The following RAMAC variants were observed in gnomAD, a reference collection of about 807,000 sequenced individuals.
RAMAC encodes RNA guanine-7 methyltransferase activating subunit.
Under a neutral mutation model 17.9 loss-of-function variants are expected in RAMAC, and 11 were observed. That is an observed-to-expected ratio of 0.61 (90% CI 0.39 to 1.02). The LOEUF (loss-of-function observed/expected upper bound fraction) is 1.02, where lower values mean the gene tolerates loss of function less well. RAMAC is among the 50% of genes least tolerant of loss of function. RAMAC has a pLI of 0.01. For missense variants in RAMAC, 109 were observed against 144.0 expected, an observed-to-expected ratio of 0.76 and a Z score of 1.25; for synonymous variants, 27 against 48.4, an observed-to-expected ratio of 0.56 and a Z score of 1.84.
At chr15:82,986,841 C>T (rs1291441291) in intron 1 of RAMAC, among the ~76,000 whole-genome samples, 1 of 152,136 alleles carries the variant, frequency 6.6e-6, no homozygotes, top group African/African-American at 2.4e-5. Flanking sequence ...TTTTGAAGGC[C>T]CAGAGGACAA....
intron 1 of RAMAC, among the ~76,000 whole-genome samples, chr15:82,986,919 G>A (rs1596394102): frequency 6.6e-6 from 1 of 152,164 alleles, no homozygotes; most frequent in Non-Finnish European, 1.5e-5. Context: ...AGTCTTTAGA[G>A]CGTTTTTTTG....
Position 82,990,788 on chromosome 15 carries a change from G to T in RAMAC, c.*721G>T, listed in dbSNP as rs371975154. ...ATAGCAGGTCAAAATTCACACATAA[G>T]AAAGTTTAACTCTGTACTGTTCACA... is the stretch of plus-strand genomic sequence containing the variant. On this transcript the variant is annotated 3_prime_UTR_variant, in exon 4 of 4. Transcript: ENST00000304191. The T allele has an allele frequency of 9.2e-5, 66 of 720,696 alleles. 1 individual carries two copies. The highest frequency in any genetic ancestry group is 3.3e-4 in the East Asian group (12 of 36,840). The allele number at this position is 720,696 out of a possible 1,614,324, so 44.6% of individuals were successfully genotyped here.
At chr15:82,986,775 C>T (rs1162043522) in intron 1 of RAMAC, among the ~76,000 whole-genome samples, 1 of 152,150 alleles carries the variant, frequency 6.6e-6, no homozygotes, top group Non-Finnish European at 1.5e-5. Flanking sequence ...GAAAGGCTTA[C>T]CCTAAAAGAA....
chr15:82,986,941 GT>G (rs368202031), intron 1 of RAMAC, among the ~76,000 whole-genome samples: 7 of 148,248 alleles, frequency 4.7e-5, no homozygotes, highest in South Asian at 2.1e-4. Flanking sequence ...TTTGTTTTTT[GT>G]TTTTTTTTTG....
chr15:82,989,998 A>G lies in RAMAC; in HGVS notation c.288A>G (p.Gln96=), dbSNP rs1356686060. 2 of 1,597,274 alleles carry G rather than the reference A, an allele frequency of 1.3e-6. No homozygotes were observed. The highest frequency in any genetic ancestry group is 3.4e-5 in the Admixed American group (2 of 59,012). Residue 96 remains glutamine, a synonymous_variant, in exon 4 of 4, where the codon CAA becomes CAG. Coordinates refer to ENST00000304191, the MANE Select transcript of RAMAC (RefSeq NM_031452.4). ...SWGNNYPQHR[Q]EPYYPQQYGH... ...GTAACAACTACCCGCAACACAGACA[A>G]GAACCTTACTATCCCCAGCAATATG...
In RAMAC at chr15:82,989,145, T is replaced by C. The variant is rs770274183; in HGVS notation, c.127T>C (p.Trp43Arg). 1 of 1,613,862 alleles carries C rather than the reference T, an allele frequency of 6.2e-7. No individual in the cohort carries two copies. Among genetic ancestry groups the C allele is most frequent in the Non-Finnish European group, 8.5e-7 (1 of 1,179,844 alleles). Residue 43 changes from tryptophan to arginine, a missense_variant, in exon 3 of 4, where the codon TGG (tryptophan) becomes CGG (arginine). Trp to Arg is a moderately radical substitution (Grantham distance 101). Transcript: ENST00000304191. Reference protein sequence around the residue: ...PPESPPIVEEWNSRAGGNQRN... With the variant: ...PPESPPIVEERNSRAGGNQRN... ...TGAGTCTCCTCCAATTGTTGAGGAATGGAATAGCAGAGCTGGTGGGAACCA... is the reference window on the plus strand; with the variant it reads ...TGAGTCTCCTCCAATTGTTGAGGAACGGAATAGCAGAGCTGGTGGGAACCA...
chr15:82,988,110 G>A (rs1275910667), intron 2 of RAMAC, among the ~76,000 whole-genome samples: 2 of 151,562 alleles, frequency 1.3e-5, no homozygotes, highest in African/African-American at 4.9e-5. Flanking sequence ...GCCAAAGCGG[G>A]CGGATTATGA....
chr15:82,989,484 T>C (rs1353394674), intron 3 of RAMAC, among the ~76,000 whole-genome samples: 1 of 152,258 alleles, frequency 6.6e-6, no homozygotes, highest in African/African-American at 2.4e-5. Context: ...TTCTACAGCT[T>C]GTTCAATTCC....
In RAMAC at chr15:82,990,669, A is replaced by G. The variant is rs1007329040; in HGVS notation, c.*602A>G. 1 of 1,529,850 alleles carries G rather than the reference A, an allele frequency of 6.5e-7. No homozygotes were observed. The highest frequency in any genetic ancestry group is 8.9e-7 in the Non-Finnish European group (1 of 1,127,538). The allele number at this position is 1,529,850 out of a possible 1,614,324, so 94.8% of individuals were successfully genotyped here. On this transcript the variant is annotated 3_prime_UTR_variant, in exon 4 of 4. Coordinates refer to ENST00000304191, the MANE Select transcript of RAMAC (RefSeq NM_031452.4). ...TCAGTAATAAAGCTGTAAAATAAGG[A>G]AGGAATCATTGTCAGTTTGTGTCTT... is the stretch of plus-strand genomic sequence containing the variant.
In RAMAC at chr15:82,986,941, G is replaced by GTT. The variant is rs368202031; in HGVS notation, c.-58-386_-58-385dup. On this transcript the variant is annotated intron_variant, in intron 1 of 3. Coordinates refer to ENST00000304191, the MANE Select transcript of RAMAC (RefSeq NM_031452.4). ...AGAGCGTTTTTTTGGTTTGTTTTTTGTTTTTTTTTTGAGACGGAGTCTCGC... is the reference window on the plus strand; with the variant it reads ...AGAGCGTTTTTTTGGTTTGTTTTTTGTTTTTTTTTTTTGAGACGGAGTCTCGC... Among the ~76,000 whole-genome samples, 99 of 148,334 alleles carry GTT rather than the reference G, an allele frequency of 6.7e-4. 1 individual carries two copies. The highest frequency in any genetic ancestry group is 2.2e-3 in the African/African-American group (90 of 40,592).
Position 82,990,795 on chromosome 15 carries a change from T to C in RAMAC, c.*728T>C. 1 of 684,918 alleles carries C rather than the reference T, an allele frequency of 1.5e-6. No individual in the cohort carries two copies. Among genetic ancestry groups the C allele is most frequent in the Non-Finnish European group, 2.6e-6 (1 of 389,316 alleles). The allele number at this position is 684,918 out of a possible 1,614,324, so 42.4% of individuals were successfully genotyped here. On this transcript the variant is annotated 3_prime_UTR_variant, in exon 4 of 4. Transcript: ENST00000304191. ...GTCAAAATTCACACATAAGAAAGTT[T>C]AACTCTGTACTGTTCACACTTTTTA...
At position 82,990,907 on chromosome 15, in the gene RAMAC, G is replaced by C; in HGVS notation, c.*840G>C. 2 of 383,840 alleles carry C rather than the reference G, an allele frequency of 5.2e-6. No individual in the cohort carries two copies. The highest frequency in any genetic ancestry group is 9.4e-6 in the Non-Finnish European group (2 of 212,722). 23.8% of individuals were successfully genotyped at this position (383,840 alleles called of 1,614,324 possible). A position where few individuals can be genotyped will look rare whatever the true frequency, so the allele number is the denominator to read the frequency against. On this transcript the variant is annotated 3_prime_UTR_variant, in exon 4 of 4. Transcript: ENST00000304191. ...TTTTACAATGTTATATTCACTTCCAGATGCATACCTCTGCTGCTTTCTCTC... is the reference window on the plus strand; with the variant it reads ...TTTTACAATGTTATATTCACTTCCACATGCATACCTCTGCTGCTTTCTCTC...
Position 82,990,416 on chromosome 15 carries a change from T to C in RAMAC, c.*349T>C. 2.3e-6 allele frequency: 1 copy of C among 437,070 alleles called. No homozygotes were observed. Among genetic ancestry groups the C allele is most frequent in the South Asian group, 4.2e-5 (1 of 23,882 alleles). 27.1% of individuals were successfully genotyped at this position (437,070 alleles called of 1,614,324 possible). A position where few individuals can be genotyped will look rare whatever the true frequency, so the allele number is the denominator to read the frequency against. On this transcript the variant is annotated 3_prime_UTR_variant, in exon 4 of 4. Coordinates refer to ENST00000304191, the MANE Select transcript of RAMAC (RefSeq NM_031452.4). ...GCTTTTACTTTGTAAGGTAAGAGAG[T>C]ATCCATATGCTTAGATGTGCTCGTT... is the stretch of plus-strand genomic sequence containing the variant.
chr15:82,989,943 G>C lies in RAMAC; in HGVS notation c.233G>C (p.Arg78Pro). The change falls in exon 4 of 4, where the codon CGA becomes CCA. Residue 78 changes from arginine to proline, a missense_variant. By Grantham distance (103) the Arg-to-Pro change is moderately radical. Coordinates refer to ENST00000304191, the MANE Select transcript of RAMAC (RefSeq NM_031452.4). ...DNRWGWPSDN[R>P]SNQWHGRSWG... is the part of the protein sequence containing the mutation. ...AGATGGGGGTGGCCAAGTGACAATC[G>C]ATCCAATCAGTGGCATGGACGATCC... The C allele has an allele frequency of 1.9e-6, 3 of 1,611,640 alleles. No individual in the cohort carries two copies. The highest frequency in any genetic ancestry group is 2.5e-6 in the Non-Finnish European group (3 of 1,179,044).
chr15:82,987,021 G>C lies in RAMAC; in HGVS notation c.-58-315G>C, dbSNP rs537799975. Reference sequence around the variant, plus strand: ...CGATCTCCGCCTCCCAAGTTCAAGCGATTCTCCTGCCTCAGCCTCCCGAGT... The same window carrying C: ...CGATCTCCGCCTCCCAAGTTCAAGCCATTCTCCTGCCTCAGCCTCCCGAGT... On this transcript the variant is annotated intron_variant, in intron 1 of 3. Transcript: ENST00000304191. Among the ~76,000 whole-genome samples the C allele has an allele frequency of 3.0e-4, 45 of 152,120 alleles. 1 individual carries two copies. Among genetic ancestry groups the C allele is most frequent in the Non-Finnish European group, 5.4e-4 (37 of 68,024 alleles).
intron 2 of RAMAC, 173 bp from the exon 3 acceptor site, chr15:82,988,837 A>C: frequency 3.5e-6 from 1 of 281,838 alleles, no homozygotes; most frequent in East Asian, 8.2e-5. Flanking sequence ...CCCTGTCTCA[A>C]AAAAAAAAAA....
At position 82,990,559 on chromosome 15, in the gene RAMAC, C is replaced by CTTTA. The variant is rs2030811075; in HGVS notation, c.*492_*493insTTTA. On this transcript the variant is annotated 3_prime_UTR_variant, in exon 4 of 4. Transcript: ENST00000304191. ...AAACAATTGCTTTTTTTTTTTTTTG[C>CTTTA]ATTTGTTAAGTGACTATGGTACTTT... 1.5e-6 allele frequency: 1 copy of CTTTA among 650,974 alleles called. No individual in the cohort carries two copies. Among genetic ancestry groups the CTTTA allele is most frequent in the Non-Finnish European group, 2.2e-6 (1 of 451,850 alleles). 40.3% of individuals were successfully genotyped at this position (650,974 alleles called of 1,614,324 possible). A position where few individuals can be genotyped will look rare whatever the true frequency, so the allele number is the denominator to read the frequency against.
Position 82,990,800 on chromosome 15 carries a change from C to T in RAMAC, c.*733C>T. The stretch of plus-strand genomic sequence containing the variant: ...AATTCACACATAAGAAAGTTTAACT[C>T]TGTACTGTTCACACTTTTTAATCCT... On this transcript the variant is annotated 3_prime_UTR_variant, in exon 4 of 4. Transcript: ENST00000304191. The T allele has an allele frequency of 1.6e-6, 1 of 616,198 alleles. No homozygotes were observed. Among genetic ancestry groups the T allele is most frequent in the South Asian group, 2.2e-5 (1 of 45,060 alleles). 38.2% of individuals were successfully genotyped at this position (616,198 alleles called of 1,614,324 possible). A position where few individuals can be genotyped will look rare whatever the true frequency, so the allele number is the denominator to read the frequency against.
At chr15:82,987,464 G>A (rs2030664348) in intron 2 of RAMAC, 80 bp downstream of exon 2, 1 of 152,166 alleles carries the variant, frequency 6.6e-6, no homozygotes, top group Admixed American at 6.5e-5. Context: ...GTTTACATGA[G>A]TATGGGTGGG....
Sources: allele counts gnomAD v4.1 joint callset (sites outside exome capture counted in the v4.1 genomes callset), GRCh38; gene constraint gnomAD v4.1.1; transcripts MANE v1.5; gene names NCBI Gene and HGNC (gene_info 2026-07-23, HGNC 2026-07-21).